C11orf65: variants seen among roughly 807,000 people sequenced by gnomAD.
C11orf65 encodes chromosome 11 open reading frame 65.
Under a neutral mutation model 35.3 loss-of-function variants are expected in C11orf65, and 38 were observed. The observed-to-expected ratio is 1.08, with a 90% confidence interval of 0.83 to 1.41. The LOEUF (loss-of-function observed/expected upper bound fraction) is 1.41, where lower values mean the gene tolerates loss of function less well. Among genes scored for constraint, C11orf65 ranks in the 40% most tolerant of loss-of-function variants. The pLI is 0.00. For synonymous variants in C11orf65, 105 were observed against 114.4 expected, an observed-to-expected ratio of 0.92 and a Z score of 0.53; for missense variants, 370 against 367.1, an observed-to-expected ratio of 1.01 and a Z score of -0.06.
intron 3 of C11orf65, chr11:108,334,117 T>A: frequency 1.5e-6 from 1 of 663,454 alleles, no homozygotes; most frequent in Non-Finnish European, 2.6e-6. Flanking sequence ...GTATTATATT[T>A]CCTTTGCCCA....
intron 2 of C11orf65, chr11:108,354,775 T>C (rs1468001361): frequency 1.3e-6 from 2 of 1,571,024 alleles, no homozygotes; most frequent in Non-Finnish European, 1.8e-6. Context: ...CATTGGTGTG[T>C]AACAAAATCC....
chr11:108,330,205 C>T (rs878853541), downstream of C11orf65: 1 of 1,612,070 alleles, frequency 6.2e-7, no homozygotes, highest in Non-Finnish European at 8.5e-7. Flanking sequence ...CTTAATTATT[C>T]TATGCAAGAT....
intron 2 of C11orf65, among the ~76,000 whole-genome samples, chr11:108,348,808 T>C (rs2088816667): frequency 6.7e-6 from 1 of 150,372 alleles, no homozygotes; most frequent in Non-Finnish European, 1.5e-5. Context: ...CTTTTTATTA[T>C]TTATTGAAGT....
At chr11:108,332,925 G>A (rs1249429262) in intron 3 of C11orf65, 11 of 1,604,518 alleles carry the variant, frequency 6.9e-6, no homozygotes, top group Admixed American at 1.7e-5. Context: ...AAGAAGAAAC[G>A]TTACTTTCTT....
At chr11:108,347,158 G>T in intron 2 of C11orf65, 1 of 811,092 alleles carries the variant, frequency 1.2e-6, no homozygotes, top group Middle Eastern at 2.6e-4. Flanking sequence ...ATTTAAGTAG[G>T]CTAAAAATCC....
intron 2 of C11orf65, among the ~76,000 whole-genome samples, chr11:108,373,422 C>T (rs1456973845): frequency 2.6e-5 from 4 of 152,196 alleles, no homozygotes; most frequent in Non-Finnish European, 5.9e-5. Context: ...AGATCAGGAA[C>T]AAGGCAAGGA....
intron 3 of C11orf65, among the ~76,000 whole-genome samples, chr11:108,412,266 G>A (rs547664804): frequency 6.6e-6 from 1 of 151,744 alleles, no homozygotes; most frequent in South Asian, 2.1e-4. Context: ...CGTATAAAAT[G>A]CTCAATTAAA....
At chr11:108,370,606 T>C (rs1283405031) in intron 2 of C11orf65, among the ~76,000 whole-genome samples, 1 of 151,444 alleles carries the variant, frequency 6.6e-6, no homozygotes, top group Non-Finnish European at 1.5e-5. Context: ...TACTGTTTGC[T>C]GCAGGGTTTT....
Position 108,335,867 on chromosome 11 carries a change from A to G in C11orf65, c.227-575T>C, listed in dbSNP as rs1555128314. 3.7e-6 allele frequency: 6 copies of G among 1,613,960 alleles called. No homozygotes were observed. Among genetic ancestry groups the G allele is most frequent in the Non-Finnish European group, 5.1e-6 (6 of 1,179,892 alleles). On this transcript the variant is annotated intron_variant, in intron 2 of 3. Transcript: ENST00000524755. ...AAGGGCCGTGATGACCTGAGACAAG[A>G]TGCTGTCATGCAACAGGTCTTCCAG... is the stretch of plus-strand genomic sequence containing the variant.
At chr11:108,317,153 G>T (rs916341891) in intron 6 of C11orf65, among the ~76,000 whole-genome samples, 1 of 151,334 alleles carries the variant, frequency 6.6e-6, no homozygotes, top group Non-Finnish European at 1.5e-5. Context: ...TGTCCAGGCT[G>T]GTCTCAAACT....
intron 2 of C11orf65, among the ~76,000 whole-genome samples, chr11:108,338,606 T>C (rs140298589): frequency 2.0e-5 from 3 of 151,916 alleles, no homozygotes; most frequent in Non-Finnish European, 4.4e-5. Context: ...GCATGAGCTG[T>C]GATCATGCCA....
intron 1 of C11orf65, among the ~76,000 whole-genome samples, chr11:108,465,692 TA>T (rs150780746): frequency 0.066 from 9,917 of 149,242 alleles, 422 homozygotes; most frequent in Admixed American, 0.094. Context: ...GGTTTTTTTT[TA>T]AAAAAAAAAG....
At chr11:108,403,997 C>G (rs1053261302) in intron 6 of C11orf65, among the ~76,000 whole-genome samples, 2 of 152,104 alleles carry the variant, frequency 1.3e-5, no homozygotes, top group African/African-American at 4.8e-5. Context: ...ACGACACAAG[C>G]ATCTTCTCAC....
intron 2 of C11orf65, among the ~76,000 whole-genome samples, chr11:108,371,428 G>A (rs2091572720): frequency 6.6e-6 from 1 of 152,086 alleles, no homozygotes; most frequent in Non-Finnish European, 1.5e-5. Context: ...TCTACCTTTT[G>A]TCTCTCTGCA....
intron 3 of C11orf65, among the ~76,000 whole-genome samples, chr11:108,420,890 C>T (rs535738058): frequency 1.3e-4 from 20 of 152,254 alleles, no homozygotes; most frequent in African/African-American, 4.8e-4. Flanking sequence ...GCTGGGATTA[C>T]AGGTGTGAGC....
At chr11:108,439,771 C>A (rs942321115) in intron 2 of C11orf65, among the ~76,000 whole-genome samples, 7 of 152,008 alleles carry the variant, frequency 4.6e-5, no homozygotes, top group African/African-American at 1.7e-4. Flanking sequence ...GGAAAATTCA[C>A]AGAGACACAA....
In C11orf65 at chr11:108,326,169, C is replaced by G. The variant is rs56009889; in HGVS notation, c.641-17098G>C. On this transcript the variant is annotated intron_variant, in intron 6 of 6. Coordinates refer to the C11orf65 transcript ENST00000525729. ...ATTCTGGGCAAAAAAGGAGCAGAGTCTTGCCCTGAGTATTCTCAAGCAAAT... is the reference window on the plus strand; with the variant it reads ...ATTCTGGGCAAAAAAGGAGCAGAGTGTTGCCCTGAGTATTCTCAAGCAAAT... 1 of 1,614,026 alleles carries G rather than the reference C, an allele frequency of 6.2e-7. No individual in the cohort carries two copies. Among genetic ancestry groups the G allele is most frequent in the Non-Finnish European group, 8.5e-7 (1 of 1,180,026 alleles).
chr11:108,329,110 T>G (rs1057520430), downstream of C11orf65: 1 of 1,614,112 alleles, frequency 6.2e-7, no homozygotes, highest in Non-Finnish European at 8.5e-7. Context: ...TAGCCCGGTT[T>G]TCAGATACTC....
intron 6 of C11orf65, among the ~76,000 whole-genome samples, chr11:108,313,936 C>A (rs1025417120): frequency 6.6e-6 from 1 of 151,900 alleles, no homozygotes; most frequent in African/African-American, 2.4e-5. Context: ...CAGAATATAT[C>A]TTTTCTGTGT....
Sources: gnomAD v4.1 joint callset for allele counts (sites outside exome capture counted in the v4.1 genomes callset) on GRCh38, gnomAD v4.1.1 for gene constraint, MANE v1.5 for transcripts, NCBI Gene and HGNC (gene_info 2026-07-23, HGNC 2026-07-21) for gene names.